NCKAP5: variants seen among roughly 807,000 people sequenced by gnomAD.
The protein encoded by NCKAP5 is NCK associated protein 5, also known as nck-associated protein 5.
Under a neutral mutation model 167.0 loss-of-function variants are expected in NCKAP5, and 92 were observed. That is an observed-to-expected ratio of 0.55 (90% CI 0.47 to 0.66). The LOEUF (loss-of-function observed/expected upper bound fraction) is 0.66, where lower values mean the gene tolerates loss of function less well. Ranked by LOEUF, NCKAP5 falls within the 30% of genes least tolerant of loss-of-function variation. The probability of loss-of-function intolerance (pLI) is 0.00; values close to 1 mark genes in which losing one functional copy is unlikely to be tolerated. For synonymous variants in NCKAP5, 891 were observed against 877.4 expected, an observed-to-expected ratio of 1.02 and a Z score of -0.27; for missense variants, 2,378 against 2,315.0, an observed-to-expected ratio of 1.03 and a Z score of -0.56.
chr2:133,374,770 C>T (rs1484066252), intron 3 of NCKAP5, among the ~76,000 whole-genome samples: 1 of 152,150 alleles, frequency 6.6e-6, no homozygotes, highest in East Asian at 1.9e-4. Context: ...CAAGCAAAAA[C>T]CCTACTTTTC....
chr2:133,059,256 C>T (rs1366842938), intron 6 of NCKAP5, among the ~76,000 whole-genome samples: 9 of 151,918 alleles, frequency 5.9e-5, no homozygotes, highest in Non-Finnish European at 1.2e-4. Flanking sequence ...GCCGAGATCG[C>T]GCCACTGCAC....
At chr2:133,043,421 AG>A (rs1375748035) in intron 6 of NCKAP5, among the ~76,000 whole-genome samples, 1 of 152,180 alleles carries the variant, frequency 6.6e-6, no homozygotes, top group Non-Finnish European at 1.5e-5. Context: ...TCTTTAATTC[AG>A]GGGTTTCCAA....
At chr2:133,630,254 A>G in the NCKAP5 span, among the ~76,000 whole-genome samples, 1 of 152,220 alleles carries the variant, frequency 6.6e-6, no homozygotes, top group Non-Finnish European at 1.5e-5. Context: ...CCGAATAAGG[A>G]AATCTATAGA....
intron 6 of NCKAP5, among the ~76,000 whole-genome samples, chr2:133,077,137 T>G (rs2080632825): frequency 1.3e-5 from 2 of 152,212 alleles, no homozygotes. Context: ...GCAATGAATT[T>G]CATTCATGTA....
intron 3 of NCKAP5, among the ~76,000 whole-genome samples, chr2:133,406,335 A>G (rs1387924563): frequency 2.0e-5 from 3 of 151,674 alleles, no homozygotes; most frequent in African/African-American, 7.3e-5. Flanking sequence ...GATAAATGTA[A>G]GAAAAGTTAT....
rs201209280 is a variant in NCKAP5, at chr2:133,038,742, G to GAT, written c.342-44505_342-44504dup. 8.2e-3 allele frequency among the ~76,000 whole-genome samples: 1,238 copies of GAT among 151,368 alleles called. 21 individuals carry two copies. The highest frequency in any genetic ancestry group is 0.029 in the African/African-American group (1,188 of 41,226). ...AACACTGCATGTAACCATAAATATT[G>GAT]ATATATATATACCTACTATGTACCC... On this transcript the variant is annotated intron_variant, in intron 6 of 19. Coordinates refer to ENST00000409261, the MANE Select transcript of NCKAP5 (RefSeq NM_207363.3).
intron 8 of NCKAP5, among the ~76,000 whole-genome samples, chr2:132,958,316 T>A (rs2076402645): frequency 6.6e-6 from 1 of 152,160 alleles, no homozygotes; most frequent in Non-Finnish European, 1.5e-5. Flanking sequence ...TCCCTATTAG[T>A]CCTAGGCACC....
intron 3 of NCKAP5, among the ~76,000 whole-genome samples, chr2:133,335,223 G>A (rs1242499034): frequency 6.6e-6 from 1 of 151,992 alleles, no homozygotes; most frequent in Admixed American, 6.6e-5. Flanking sequence ...TCTACTTTCT[G>A]AGCCATAATC....
chr2:132,741,462 G>T (rs902664179), intron 16 of NCKAP5, among the ~76,000 whole-genome samples: 12 of 152,146 alleles, frequency 7.9e-5, no homozygotes, highest in African/African-American at 2.9e-4. Context: ...TGTTTGACAA[G>T]GTCATCTGAC....
chr2:133,546,220 A>G (rs1686658688), intron 2 of NCKAP5, among the ~76,000 whole-genome samples: 1 of 152,192 alleles, frequency 6.6e-6, no homozygotes, highest in Non-Finnish European at 1.5e-5. Flanking sequence ...CAAAGGTGAA[A>G]AAGTGCCCCC....
intron 11 of NCKAP5, among the ~76,000 whole-genome samples, chr2:132,797,682 C>T (rs929119991): frequency 6.6e-6 from 1 of 152,206 alleles, no homozygotes; most frequent in Non-Finnish European, 1.5e-5. Flanking sequence ...CACACTGATG[C>T]TGATCTAAGA....
At chr2:132,921,586 C>T (rs1254453478) in intron 8 of NCKAP5, among the ~76,000 whole-genome samples, 1 of 152,138 alleles carries the variant, frequency 6.6e-6, no homozygotes, top group Non-Finnish European at 1.5e-5. Context: ...CTAACCTAGT[C>T]TTTGATAGCT....
At chr2:133,182,329 C>T (rs1424279643) in intron 5 of NCKAP5, among the ~76,000 whole-genome samples, 1 of 152,116 alleles carries the variant, frequency 6.6e-6, no homozygotes, top group Admixed American at 6.6e-5. Context: ...AAATTCAATG[C>T]ACATCTTTTC....
intron 2 of NCKAP5, among the ~76,000 whole-genome samples, chr2:133,542,499 C>G (rs572409113): frequency 1.3e-5 from 2 of 152,188 alleles, no homozygotes; most frequent in African/African-American, 2.4e-5. Context: ...CCTGTCATCC[C>G]ACGCTATCCA....
At chr2:133,058,955 G>A (rs912576880) in intron 6 of NCKAP5, among the ~76,000 whole-genome samples, 1 of 152,256 alleles carries the variant, frequency 6.6e-6, no homozygotes, top group South Asian at 2.1e-4. Flanking sequence ...CCACCAACCT[G>A]ATCAATCAGC....
chr2:133,092,049 C>A (rs72842447), intron 6 of NCKAP5, among the ~76,000 whole-genome samples: 7,274 of 152,244 alleles, frequency 0.048, 252 homozygotes, highest in Non-Finnish European at 0.071. Flanking sequence ...TGACTCAATA[C>A]TTAGTGTTTG....
At chr2:132,692,631 AC>A (rs1686875936) in intron 19 of NCKAP5, among the ~76,000 whole-genome samples, 1 of 152,174 alleles carries the variant, frequency 6.6e-6, no homozygotes, top group Admixed American at 6.5e-5. Context: ...TAAATGATGA[AC>A]CTATGTCACA....
intron 8 of NCKAP5, among the ~76,000 whole-genome samples, chr2:132,890,502 C>A (rs1692609920): frequency 6.6e-6 from 1 of 152,202 alleles, no homozygotes; most frequent in Admixed American, 6.5e-5. Context: ...GTTCCTAATT[C>A]CCCTGCAGTC....
chr2:132,752,773 C>T (rs898224049), intron 16 of NCKAP5, among the ~76,000 whole-genome samples: 1 of 152,176 alleles, frequency 6.6e-6, no homozygotes, highest in African/African-American at 2.4e-5. Flanking sequence ...TTCCCAAGAT[C>T]TTCAGGGTAA....
Sources: gnomAD v4.1 joint callset for allele counts (sites outside exome capture counted in the v4.1 genomes callset) on GRCh38, gnomAD v4.1.1 for gene constraint, MANE v1.5 for transcripts, NCBI Gene and HGNC (gene_info 2026-07-23, HGNC 2026-07-21) for gene names.